Variants in SLC35H1 observed in about 807,000 individuals in gnomAD.
SLC35H1 encodes the protein solute carrier family 35 member H1.
the SLC35H1 span, chr20:46,357,852 C>G: frequency 4.5e-6 from 7 of 1,540,238 alleles, no homozygotes; most frequent in Non-Finnish European, 6.2e-6. Flanking sequence ...CTCTTCGCCC[C>G]TCTGCTGGAG....
chr20:46,358,641 G>A, the SLC35H1 span: 1 of 1,556,730 alleles, frequency 6.4e-7, no homozygotes, highest in Non-Finnish European at 8.7e-7. Flanking sequence ...GGAGCTCTCT[G>A]CAGCTCCATG....
chr20:46,350,819 G>A, the SLC35H1 span: 1,039 of 1,614,054 alleles, frequency 6.4e-4, 14 homozygotes, highest in South Asian at 9.4e-3. Flanking sequence ...GGCAGAGGGC[G>A]AAGCCCAGCC....
chr20:46,359,842 G>C, the SLC35H1 span, among the ~76,000 whole-genome samples: 39 of 152,266 alleles, frequency 2.6e-4, no homozygotes, highest in African/African-American at 9.1e-4. Flanking sequence ...TAGGCTTCAC[G>C]ATCAGACACA....
At chr20:46,357,829 C>T in the SLC35H1 span, 654 of 1,595,620 alleles carry the variant, frequency 4.1e-4, no homozygotes, top group Admixed American at 4.2e-4. Context: ...TGCCCCCCAC[C>T]GGCTCCCTCT....
chr20:46,357,644 G>A, the SLC35H1 span: 2 of 1,613,968 alleles, frequency 1.2e-6, no homozygotes, highest in Admixed American at 3.3e-5. Flanking sequence ...ACTCTTCTGA[G>A]GTAGTCGGCC....
chr20:46,359,742 C>T, the SLC35H1 span, among the ~76,000 whole-genome samples: 1 of 152,224 alleles, frequency 6.6e-6, no homozygotes, highest in South Asian at 2.1e-4. Flanking sequence ...ATGATACCTG[C>T]TGCTTCATCT....
chr20:46,360,731 G>T, the SLC35H1 span, among the ~76,000 whole-genome samples: 1 of 152,164 alleles, frequency 6.6e-6, no homozygotes, highest in South Asian at 2.1e-4. Flanking sequence ...TATATTTTTA[G>T]TAGAGATGGG....
the SLC35H1 span, among the ~76,000 whole-genome samples, chr20:46,363,359 T>C: frequency 6.6e-6 from 1 of 152,198 alleles, no homozygotes; most frequent in Admixed American, 6.5e-5. Flanking sequence ...CTTTTCTGTA[T>C]CAGACTCATA....
chr20:46,359,989 T>C, the SLC35H1 span, among the ~76,000 whole-genome samples: 2 of 152,148 alleles, frequency 1.3e-5, no homozygotes, highest in Non-Finnish European at 2.9e-5. Context: ...GGGGCTACAG[T>C]TGTCTTCAGA....
chr20:46,359,957 G>A, the SLC35H1 span, among the ~76,000 whole-genome samples: 1 of 152,174 alleles, frequency 6.6e-6, no homozygotes, highest in Non-Finnish European at 1.5e-5. Flanking sequence ...ACAGGGAGCT[G>A]GCTGTGTCCA....
chr20:46,350,409 G>T, the SLC35H1 span: 2 of 1,612,274 alleles, frequency 1.2e-6, no homozygotes, highest in Non-Finnish European at 1.7e-6. Flanking sequence ...GCTGCCCCTG[G>T]GCCACAAAGT....
chr20:46,354,979 G>T, the SLC35H1 span: 2 of 1,613,924 alleles, frequency 1.2e-6, 1 homozygote, highest in South Asian at 2.2e-5. Context: ...CAGGGCGGGG[G>T]ACAGGCACCA....
At chr20:46,348,144 C>T in the SLC35H1 span, 3 of 135,254 alleles carry the variant, frequency 2.2e-5, no homozygotes, top group Non-Finnish European at 4.8e-5. Context: ...CGCTGTCTGG[C>T]CTGGGAGGCC....
the SLC35H1 span, chr20:46,350,509 T>C: frequency 6.2e-7 from 1 of 1,602,578 alleles, no homozygotes; most frequent in East Asian, 2.2e-5. Context: ...CTTCAAGGCC[T>C]TGGGGCCACC....
chr20:46,347,256 C>T, the SLC35H1 span: 1 of 152,246 alleles, frequency 6.6e-6, no homozygotes, highest in Non-Finnish European at 1.5e-5. Flanking sequence ...TATCCTTAGC[C>T]ATCGTTATGC....
At chr20:46,351,022 G>A in the SLC35H1 span, 7 of 1,240,414 alleles carry the variant, frequency 5.6e-6, no homozygotes, top group Non-Finnish European at 7.9e-6. Flanking sequence ...CTGGGCCCAG[G>A]CAGGCAGAGA....
chr20:46,346,887 C>CAAA, the SLC35H1 span: 1 of 114,298 alleles, frequency 8.7e-6, no homozygotes, highest in African/African-American at 3.4e-5. Context: ...AACTCCATGT[C>CAAA]AAAAAAAAAA....
chr20:46,356,453 A>C, the SLC35H1 span: 2 of 962,528 alleles, frequency 2.1e-6, no homozygotes, highest in Non-Finnish European at 3.2e-6. Context: ...AGGCTGAGAG[A>C]GCAAGGGCTG....
chr20:46,352,572 G>A, the SLC35H1 span: 9 of 224,646 alleles, frequency 4.0e-5, no homozygotes, highest in South Asian at 5.8e-4. Flanking sequence ...GGATCCTAGC[G>A]GGATGATGGG....
Sources: gnomAD v4.1 joint callset for allele counts (sites outside exome capture counted in the v4.1 genomes callset) on GRCh38, gnomAD v4.1.1 for gene constraint, MANE v1.5 for transcripts, NCBI Gene and HGNC (gene_info 2026-07-23, HGNC 2026-07-21) for gene names.